PMS1: variants seen among roughly 807,000 people sequenced by gnomAD.
The protein encoded by PMS1 is PMS1 homolog 1, mismatch repair system component.
PMS1 carries 79 observed loss-of-function variants against 93.1 expected under a neutral mutation model. The ratio of observed to expected loss-of-function variants is 0.85; its 90% CI spans 0.71 to 1.02. The LOEUF (loss-of-function observed/expected upper bound fraction) is 1.02, where lower values mean the gene tolerates loss of function less well. Ranked by LOEUF, PMS1 falls within the 50% of genes least tolerant of loss-of-function variation. The probability of loss-of-function intolerance (pLI) is 0.00; values close to 1 mark genes in which losing one functional copy is unlikely to be tolerated. For missense variants in PMS1, 1,064 were observed against 1,085.3 expected (o/e 0.98, Z 0.28); for synonymous variants, 335 against 363.4 (o/e 0.92, Z 0.89).
intron 9 of PMS1, among the ~76,000 whole-genome samples, chr2:189,860,458 A>G (rs976771186): frequency 3.3e-5 from 5 of 152,102 alleles, no homozygotes; most frequent in Non-Finnish European, 7.4e-5. Context: ...AAATATACCA[A>G]AATTTGTTTA....
Position 189,822,390 on chromosome 2 carries a change from A to G in PMS1, c.582+4210A>G, listed in dbSNP as rs369915235. Among the ~76,000 whole-genome samples, 32 of 152,246 alleles carry G rather than the reference A, an allele frequency of 2.1e-4. 2 individuals carry two copies. The East Asian group carries it at 4.4e-3, about 21-fold the overall frequency. On this transcript the variant is annotated intron_variant, in intron 5 of 12. Coordinates refer to ENST00000441310, the MANE Select transcript of PMS1 (RefSeq NM_000534.5). ...TACATTTTCTCCAGCCATTTCCCCA[A>G]CACATCCTGGAGAAGGCTTGATTTT... is the stretch of plus-strand genomic sequence containing the variant.
intron 4 of PMS1, among the ~76,000 whole-genome samples, chr2:189,817,053 C>A (rs2051369199): frequency 6.6e-6 from 1 of 152,088 alleles, no homozygotes; most frequent in Non-Finnish European, 1.5e-5. Flanking sequence ...GAACATTTGG[C>A]AGTATCTGGA....
At chr2:189,816,594 A>G (rs1307953643) in intron 4 of PMS1, among the ~76,000 whole-genome samples, 6 of 152,136 alleles carry the variant, frequency 3.9e-5, no homozygotes, top group Non-Finnish European at 7.4e-5. Context: ...ATTTTCTTCT[A>G]GTATTTATTT....
intron 5 of PMS1, among the ~76,000 whole-genome samples, chr2:189,824,058 T>C (rs1218756547): frequency 1.3e-5 from 2 of 152,214 alleles, no homozygotes; most frequent in East Asian, 1.9e-4. Context: ...GTACCACTTG[T>C]CTTATCTGTG....
chr2:189,793,336 T>A (rs1304155267), intron 2 of PMS1, among the ~76,000 whole-genome samples: 1 of 152,210 alleles, frequency 6.6e-6, no homozygotes, highest in Non-Finnish European at 1.5e-5. Flanking sequence ...ATAGTCTAGA[T>A]GGGGCCTGAG....
At chr2:189,794,304 G>A (rs1200139559) in intron 2 of PMS1, among the ~76,000 whole-genome samples, 1 of 151,580 alleles carries the variant, frequency 6.6e-6, no homozygotes, top group Admixed American at 6.6e-5. Flanking sequence ...AGTAGTGACC[G>A]AGGTTTCACC....
chr2:189,815,488 A>T (rs1392338876), intron 4 of PMS1, among the ~76,000 whole-genome samples: 1 of 152,094 alleles, frequency 6.6e-6, no homozygotes, highest in African/African-American at 2.4e-5. Flanking sequence ...TTCTCACGAG[A>T]TCCAATGGTT....
intron 11 of PMS1, among the ~76,000 whole-genome samples, chr2:189,871,610 C>T (rs757772483): frequency 2.6e-5 from 4 of 152,200 alleles, no homozygotes; most frequent in Non-Finnish European, 5.9e-5. Context: ...CTAAGAAGTT[C>T]TAAACTTTCC....
rs182559769 is a variant in PMS1 at position 189,863,323 on chromosome 2, G to A, written c.1857-420G>A. 7.1e-4 allele frequency among the ~76,000 whole-genome samples: 106 copies of A among 149,840 alleles called. 1 individual carries two copies. The South Asian group carries it at 9.8e-3, about 14-fold the overall frequency. On this transcript the variant is annotated intron_variant, in intron 9 of 12. Coordinates refer to ENST00000441310, the MANE Select transcript of PMS1 (RefSeq NM_000534.5). ...GGCTGGAGTGCAGTGGCACGATCTC[G>A]GCTCATTGCAACTTCTGCCTCCTGG...
chr2:189,866,296 G>A (rs547521032), intron 10 of PMS1, among the ~76,000 whole-genome samples: 1 of 152,106 alleles, frequency 6.6e-6, no homozygotes, highest in East Asian at 1.9e-4. Flanking sequence ...TCTATGTGAT[G>A]TTCTGTTCTT....
intron 5 of PMS1, among the ~76,000 whole-genome samples, chr2:189,822,287 T>C (rs1181157642): frequency 6.6e-6 from 1 of 152,196 alleles, no homozygotes; most frequent in Non-Finnish European, 1.5e-5. Context: ...CCGACCTTAC[T>C]AGAAAGATGA....
intron 5 of PMS1, among the ~76,000 whole-genome samples, chr2:189,837,471 C>T (rs534711438): frequency 6.6e-6 from 1 of 152,278 alleles, no homozygotes; most frequent in South Asian, 2.1e-4. Flanking sequence ...ATTTCATTTC[C>T]TGTAATTGCA....
At chr2:189,798,555 G>C (rs1324028949) in intron 3 of PMS1, among the ~76,000 whole-genome samples, 1 of 152,160 alleles carries the variant, frequency 6.6e-6, no homozygotes, top group Non-Finnish European at 1.5e-5. Flanking sequence ...AGAGGGACTA[G>C]AGGGTTCAAT....
Position 189,853,943 on chromosome 2 carries a change from T to C in PMS1, c.827T>C (p.Ile276Thr), listed in dbSNP as rs748700549. The change falls in exon 8 of 13, where the codon ATC becomes ACC. Residue 276 changes from isoleucine to threonine, a missense_variant. Ile to Thr is a moderately conservative substitution (Grantham distance 89). Coordinates refer to ENST00000441310, the MANE Select transcript of PMS1 (RefSeq NM_000534.5). Reference sequence around the variant, plus strand: ...ATTTATTACATGTATTTCTAGTTAATCCGACATCATTACAATCTGAAATGC... The same window carrying C: ...ATTTATTACATGTATTTCTAGTTAACCCGACATCATTACAATCTGAAATGC... ...PVHQKDILKL[I>T]RHHYNLKCLK... is the part of the protein sequence containing the mutation. 3.2e-6 allele frequency: 5 copies of C among 1,563,556 alleles called. No homozygotes were observed. Among genetic ancestry groups the C allele is most frequent in the Non-Finnish European group, 4.4e-6 (5 of 1,140,848 alleles).
At chr2:189,809,458 T>TC (rs1395070188) in intron 4 of PMS1, among the ~76,000 whole-genome samples, 185 of 147,028 alleles carry the variant, frequency 1.3e-3, no homozygotes, top group Non-Finnish European at 2.4e-3. Context: ...TTTTTTTTTT[T>TC]TTTTTTTTTT....
intron 11 of PMS1, among the ~76,000 whole-genome samples, chr2:189,871,667 G>T (rs2057160789): frequency 6.6e-6 from 1 of 152,164 alleles, no homozygotes; most frequent in African/African-American, 2.4e-5. Flanking sequence ...TCCAGCCTCT[G>T]CTCTTACCCA....
intron 5 of PMS1, among the ~76,000 whole-genome samples, chr2:189,841,169 G>A (rs1223491988): frequency 2.0e-5 from 3 of 151,916 alleles, no homozygotes; most frequent in South Asian, 4.2e-4. Flanking sequence ...TGTTTCTTTG[G>A]GTGTAACAAT....
At chr2:189,850,655 C>T (rs902154310) in intron 6 of PMS1, among the ~76,000 whole-genome samples, 8 of 151,860 alleles carry the variant, frequency 5.3e-5, no homozygotes, top group Admixed American at 2.0e-4. Flanking sequence ...ATCATTTATA[C>T]GGGATAAGGA....
In PMS1 at chr2:189,852,698, C is replaced by T. The variant is rs2106449561; in HGVS notation, c.743C>T (p.Ser248Phe). The T allele has an allele frequency of 1.3e-6, 2 of 1,592,064 alleles. No homozygotes were observed. Among genetic ancestry groups the T allele is most frequent in the Non-Finnish European group, 1.7e-6 (2 of 1,160,210 alleles). The change falls in exon 7 of 13, where the codon TCT becomes TTT. Residue 248 changes from serine (S) to phenylalanine (F), a missense_variant. Physicochemically the swap from Ser to Phe is radical, Grantham distance 155. Coordinates refer to ENST00000441310, the MANE Select transcript of PMS1 (RefSeq NM_000534.5). Reference protein sequence around the residue: ...GFLPKCDADHSFTSLSTPERS... With the variant: ...GFLPKCDADHFFTSLSTPERS... Reference sequence around the variant, plus strand: ...CTTCCAAAGTGTGATGCAGACCACTCTTTCACTAGTCTTTCAACACCAGAA... The same window carrying T: ...CTTCCAAAGTGTGATGCAGACCACTTTTTCACTAGTCTTTCAACACCAGAA...
Sources: gnomAD v4.1 joint callset for allele counts (sites outside exome capture counted in the v4.1 genomes callset) on GRCh38, gnomAD v4.1.1 for gene constraint, MANE v1.5 for transcripts, NCBI Gene and HGNC (gene_info 2026-07-23, HGNC 2026-07-21) for gene names.